The following GRID2 variants were observed in gnomAD, a reference collection of about 807,000 sequenced individuals.
GRID2 encodes the protein glutamate ionotropic receptor delta type subunit 2.
GRID2 carries 33 observed loss-of-function variants against 114.8 expected under a neutral mutation model. The ratio of observed to expected loss-of-function variants is 0.29; its 90% confidence interval spans 0.22 to 0.38. The LOEUF (loss-of-function observed/expected upper bound fraction) is 0.38. Among genes scored for constraint, GRID2 ranks in the 10% least tolerant of loss-of-function variants. GRID2 has a pLI of 1.00. For synonymous variants in GRID2, 505 were observed against 449.9 expected (o/e 1.12, Z -1.55); for missense variants, 1,184 against 1,257.7 (o/e 0.94, Z 0.89).
At chr4:92,848,016 C>T (rs759499136) in intron 2 of GRID2, among the ~76,000 whole-genome samples, 1 of 151,858 alleles carries the variant, frequency 6.6e-6, no homozygotes, top group Non-Finnish European at 1.5e-5. Context: ...TAATCAAATC[C>T]CATCACTTTA....
intron 2 of GRID2, among the ~76,000 whole-genome samples, chr4:92,717,253 G>A (rs2149314624): frequency 6.6e-6 from 1 of 152,208 alleles, no homozygotes; most frequent in East Asian, 1.9e-4. Context: ...ATACTTCCAA[G>A]GTATATGTAA....
At position 92,304,258 on chromosome 4, in the gene GRID2, C is replaced by T; in HGVS notation, c.-399C>T. 1 of 225,728 alleles carries T rather than the reference C, an allele frequency of 4.4e-6. No individual in the cohort carries two copies. 14.0% of individuals were successfully genotyped at this position (225,728 alleles called of 1,614,324 possible). ...GGTGCGGGGAAGGGGGCACATCCGG[C>T]GTGAGGGGGGTGTTGGAAGTTGCAG... is the stretch of plus-strand genomic sequence containing the variant. On this transcript the variant is annotated 5_prime_UTR_variant, in exon 1 of 16. Coordinates refer to ENST00000282020, the MANE Select transcript of GRID2 (RefSeq NM_001510.4).
intron 13 of GRID2, among the ~76,000 whole-genome samples, chr4:93,578,093 A>G (rs935140923): frequency 6.6e-6 from 1 of 152,170 alleles, no homozygotes; most frequent in Admixed American, 6.5e-5. Flanking sequence ...AAGTGCTGCT[A>G]CACCTAAAGT....
At chr4:93,243,281 C>T (rs1747759445) in intron 8 of GRID2, among the ~76,000 whole-genome samples, 1 of 152,012 alleles carries the variant, frequency 6.6e-6, no homozygotes, top group Admixed American at 6.6e-5. Context: ...CTTGCCAGCT[C>T]ATTTTATAAA....
At chr4:93,143,618 A>G (rs1349952613) in intron 4 of GRID2, among the ~76,000 whole-genome samples, 1 of 152,214 alleles carries the variant, frequency 6.6e-6, no homozygotes, top group Non-Finnish European at 1.5e-5. Context: ...ACTTTAGAAT[A>G]GTATATCTAA....
At chr4:92,975,173 A>T (rs1247374086) in intron 2 of GRID2, among the ~76,000 whole-genome samples, 3 of 149,698 alleles carry the variant, frequency 2.0e-5, no homozygotes, top group Non-Finnish European at 4.5e-5. Flanking sequence ...AAAAAAAAAA[A>T]AAAAGGTGTT....
chr4:92,943,171 G>A (rs1368697493), intron 2 of GRID2, among the ~76,000 whole-genome samples: 1 of 152,134 alleles, frequency 6.6e-6, no homozygotes, highest in Non-Finnish European at 1.5e-5. Context: ...GTGTTTTCCA[G>A]CTGGGTTCCA....
intron 1 of GRID2, among the ~76,000 whole-genome samples, chr4:92,427,701 C>G (rs1306236963): frequency 6.6e-6 from 1 of 151,910 alleles, no homozygotes; most frequent in Non-Finnish European, 1.5e-5. Flanking sequence ...GCGAATAGAC[C>G]AAGTTATCTT....
intron 9 of GRID2, among the ~76,000 whole-genome samples, chr4:93,421,944 T>C (rs1332634413): frequency 6.6e-6 from 1 of 152,176 alleles, no homozygotes; most frequent in Non-Finnish European, 1.5e-5. Context: ...CATGAATGGT[T>C]ATCTGTAAAT....
chr4:93,468,373 A>G (rs908120343), intron 11 of GRID2, among the ~76,000 whole-genome samples: 2 of 151,852 alleles, frequency 1.3e-5, no homozygotes, highest in African/African-American at 4.8e-5. Context: ...AGCCATAATA[A>G]ATAAATAAAT....
At chr4:93,127,399 AAAAG>A (rs2149370184) in intron 4 of GRID2, among the ~76,000 whole-genome samples, 1 of 152,358 alleles carries the variant, frequency 6.6e-6, no homozygotes, top group South Asian at 2.1e-4. Context: ...ATGAAAAAGA[AAAAG>A]AAATGAACAT....
At chr4:92,674,017 TTTTA>T (rs1287813244) in intron 2 of GRID2, among the ~76,000 whole-genome samples, 1 of 152,180 alleles carries the variant, frequency 6.6e-6, no homozygotes, top group African/African-American at 2.4e-5. Flanking sequence ...TTGACATTCC[TTTTA>T]TTTTTCTTCT....
chr4:92,470,626 T>C (rs763952361), intron 1 of GRID2, among the ~76,000 whole-genome samples: 1 of 151,968 alleles, frequency 6.6e-6, no homozygotes, highest in African/African-American at 2.4e-5. Flanking sequence ...AACCAATAAA[T>C]AAAGTATTGC....
At chr4:92,833,625 A>G (rs1429466532) in intron 2 of GRID2, 1 of 152,212 alleles carries the variant, frequency 6.6e-6, no homozygotes, top group Non-Finnish European at 1.5e-5. Flanking sequence ...TAAAAGGATA[A>G]CCAATTCTAA....
intron 10 of GRID2, among the ~76,000 whole-genome samples, chr4:93,453,501 A>G (rs1249581925): frequency 6.6e-6 from 1 of 152,116 alleles, no homozygotes; most frequent in Non-Finnish European, 1.5e-5. Flanking sequence ...GATATATGAC[A>G]AGTAATTGTT....
At chr4:92,652,907 T>C (rs1239346803) in intron 2 of GRID2, among the ~76,000 whole-genome samples, 1 of 140,716 alleles carries the variant, frequency 7.1e-6, no homozygotes, top group East Asian at 2.1e-4. Context: ...CATATAAATA[T>C]ATATTTATAA....
At chr4:92,717,030 T>A (rs555583524) in intron 2 of GRID2, among the ~76,000 whole-genome samples, 180 of 152,262 alleles carry the variant, frequency 1.2e-3, no homozygotes, top group African/African-American at 4.1e-3. Flanking sequence ...CCTCAAAGGA[T>A]GCTGCCCCAT....
At chr4:93,714,180 A>C (rs956049805) in intron 14 of GRID2, among the ~76,000 whole-genome samples, 59 of 152,090 alleles carry the variant, frequency 3.9e-4, no homozygotes, top group Non-Finnish European at 7.1e-4. Flanking sequence ...GTAAGTGAGA[A>C]CATGTGGTGT....
chr4:93,305,666 G>T (rs1369085654), intron 8 of GRID2, among the ~76,000 whole-genome samples: 1 of 152,164 alleles, frequency 6.6e-6, no homozygotes, highest in Non-Finnish European at 1.5e-5. Context: ...GGAATTTAGA[G>T]TGCAAATAAA....
Sources: gnomAD v4.1 joint callset for allele counts (sites outside exome capture counted in the v4.1 genomes callset) on GRCh38, gnomAD v4.1.1 for gene constraint, MANE v1.5 for transcripts, NCBI Gene and HGNC (gene_info 2026-07-23, HGNC 2026-07-21) for gene names.